The following CNBD1 variants were observed in gnomAD, a reference collection of about 807,000 sequenced individuals.
CNBD1 encodes cyclic nucleotide-binding domain-containing protein 1.
Under a neutral mutation model 54.4 loss-of-function variants are expected in CNBD1, and 71 were observed. That is an observed-to-expected ratio of 1.30 (90% CI 1.08 to 1.59). CNBD1 has a LOEUF of 1.59. Among genes scored for constraint, CNBD1 ranks in the 40% most tolerant of loss-of-function variants. The probability of loss-of-function intolerance (pLI) is 0.00; values close to 1 mark genes in which losing one functional copy is unlikely to be tolerated. For synonymous variants in CNBD1, 182 were observed against 170.7 expected (o/e 1.07, Z -0.51); for missense variants, 659 against 518.0 (o/e 1.27, Z -2.64).
chr8:87,187,269 T>C (rs1046489521), intron 4 of CNBD1, among the ~76,000 whole-genome samples: 4 of 152,018 alleles, frequency 2.6e-5, no homozygotes, highest in African/African-American at 9.7e-5. Context: ...TATTTATTCC[T>C]ATATCTATCT....
chr8:87,229,158 C>T (rs1563515970), intron 5 of CNBD1, among the ~76,000 whole-genome samples: 1 of 152,152 alleles, frequency 6.6e-6, no homozygotes, highest in African/African-American at 2.4e-5. Flanking sequence ...CTGGCACTCC[C>T]TAGTGAGATG....
chr8:87,392,273 A>G (rs1273305257), intron 2 of CNBD1, among the ~76,000 whole-genome samples: 1 of 152,054 alleles, frequency 6.6e-6, no homozygotes, highest in African/African-American at 2.4e-5. Flanking sequence ...ACATATATTT[A>G]CTATATTACT....
chr8:87,386,628 T>A (rs148073058), downstream of CNBD1, among the ~76,000 whole-genome samples: 1,044 of 152,298 alleles, frequency 6.9e-3, 11 homozygotes, highest in African/African-American at 0.024. Context: ...AATCTACATC[T>A]GATTGCTGTA....
chr8:87,080,182 G>A lies in CNBD1; in HGVS notation c.432-125811G>A, dbSNP rs376600859. Among the ~76,000 whole-genome samples, 7 of 152,194 alleles carry A rather than the reference G, an allele frequency of 4.6e-5. No individual in the cohort carries two copies. The East Asian group carries it at 5.8e-4, about 13-fold the overall frequency. On this transcript the variant is annotated intron_variant, in intron 4 of 10. Coordinates refer to ENST00000518476, the MANE Select transcript of CNBD1 (RefSeq NM_173538.3). ...CCTTTCATGAATACCACATTGTCTC[G>A]ATTGGTGTAGTTTTATAATAAGCCT... is the stretch of plus-strand genomic sequence containing the variant.
chr8:86,919,187 AG>A (rs1358463545), intron 3 of CNBD1, among the ~76,000 whole-genome samples: 1 of 152,202 alleles, frequency 6.6e-6, no homozygotes, highest in Non-Finnish European at 1.5e-5. Context: ...AAATACACAT[AG>A]GATTCATTCA....
At chr8:86,929,601 C>A (rs1338203325) in intron 3 of CNBD1, among the ~76,000 whole-genome samples, 1 of 152,184 alleles carries the variant, frequency 6.6e-6, no homozygotes, top group African/African-American at 2.4e-5. Flanking sequence ...GATTGGTTCC[C>A]CATCCTCTGG....
chr8:87,400,175 C>A (rs1049154297), intron 2 of CNBD1, among the ~76,000 whole-genome samples: 1 of 152,010 alleles, frequency 6.6e-6, no homozygotes, highest in African/African-American at 2.4e-5. Context: ...AATTATCCAT[C>A]TGCTAAAATC....
intron 3 of CNBD1, among the ~76,000 whole-genome samples, chr8:86,938,499 T>G (rs961816987): frequency 2.6e-4 from 40 of 152,226 alleles, no homozygotes; most frequent in Non-Finnish European, 1.6e-4. Context: ...TCCACATGGC[T>G]GGGGAGGCCT....
At chr8:87,132,797 G>A (rs113111472) in intron 4 of CNBD1, among the ~76,000 whole-genome samples, 10,208 of 145,876 alleles carry the variant, frequency 0.07, 1,141 homozygotes, top group African/African-American at 0.24. Flanking sequence ...ATATATATGT[G>A]TATATATATA....
intron 4 of CNBD1, among the ~76,000 whole-genome samples, chr8:86,980,461 C>A (rs1288646303): frequency 6.6e-6 from 1 of 152,072 alleles, no homozygotes; most frequent in Non-Finnish European, 1.5e-5. Context: ...ACTTTATTTC[C>A]AGATTTAAAA....
chr8:87,284,401 G>A (rs746226090), intron 6 of CNBD1, among the ~76,000 whole-genome samples: 1 of 152,014 alleles, frequency 6.6e-6, no homozygotes, highest in African/African-American at 2.4e-5. Flanking sequence ...TTTATTGAAT[G>A]GCTGCTATAT....
At chr8:87,188,715 C>G (rs1381410377) in intron 4 of CNBD1, among the ~76,000 whole-genome samples, 2 of 148,468 alleles carry the variant, frequency 1.3e-5, no homozygotes, top group Non-Finnish European at 3.0e-5. Flanking sequence ...CATGCCACTG[C>G]ACTCCAGCCT....
intron 2 of CNBD1, among the ~76,000 whole-genome samples, chr8:87,388,222 A>C (rs1811232321): frequency 6.6e-6 from 1 of 152,164 alleles, no homozygotes; most frequent in Admixed American, 6.5e-5. Flanking sequence ...ACACATTCAA[A>C]AGGTAGCAGA....
At chr8:87,247,503 A>G (rs991445623) in intron 6 of CNBD1, among the ~76,000 whole-genome samples, 3 of 152,204 alleles carry the variant, frequency 2.0e-5, no homozygotes, top group African/African-American at 7.2e-5. Context: ...TGACTTGAAC[A>G]CAGTTGTCAG....
intron 10 of CNBD1, among the ~76,000 whole-genome samples, chr8:87,361,680 A>T (rs1810526397): frequency 7.3e-6 from 1 of 136,620 alleles, no homozygotes; most frequent in Non-Finnish European, 1.6e-5. Context: ...CCAACAAAAT[A>T]GTTGGATGAA....
intron 4 of CNBD1, among the ~76,000 whole-genome samples, chr8:86,987,139 A>G (rs1281629467): frequency 6.6e-6 from 1 of 152,214 alleles, no homozygotes; most frequent in Non-Finnish European, 1.5e-5. Flanking sequence ...TTTCTAATCC[A>G]TGAACATGGA....
chr8:87,133,242 G>A (rs1283442494), intron 4 of CNBD1, among the ~76,000 whole-genome samples: 1 of 151,834 alleles, frequency 6.6e-6, no homozygotes, highest in Admixed American at 6.6e-5. Flanking sequence ...TGACATCTTA[G>A]TTTCAATGTA....
At position 86,905,112 on chromosome 8, in the gene CNBD1, G is replaced by C. The variant is rs10504829; in HGVS notation, c.190G>C (p.Asp64His). The change falls in exon 3 of 11, where the codon GAT (aspartate) becomes CAT (histidine). Residue 64 changes from aspartate (D) to histidine (H), a missense_variant. Physicochemically the swap from Asp to His is moderately conservative, Grantham distance 81. Transcript: ENST00000518476. ...RSMSNILSAH[D>H]TFMKQYPKVF... The stretch of plus-strand genomic sequence containing the variant: ...TATGAGCAATATCTTATCAGCTCAC[G>C]ATACATTTATGAAGCAATATCCTAA... 1 of 1,611,352 alleles carries C rather than the reference G, an allele frequency of 6.2e-7. No individual in the cohort carries two copies. Among genetic ancestry groups the C allele is most frequent in the Non-Finnish European group, 8.5e-7 (1 of 1,178,300 alleles).
At chr8:87,307,255 A>T (rs560768544) in intron 8 of CNBD1, among the ~76,000 whole-genome samples, 20 of 152,346 alleles carry the variant, frequency 1.3e-4, no homozygotes, top group African/African-American at 4.8e-4. Context: ...TGGAACAAAC[A>T]CAACTATTGT....
Sources: allele counts gnomAD v4.1 joint callset (sites outside exome capture counted in the v4.1 genomes callset), GRCh38; gene constraint gnomAD v4.1.1; transcripts MANE v1.5; gene names NCBI Gene and HGNC (gene_info 2026-07-23, HGNC 2026-07-21).